PCDH11X: variants seen among roughly 807,000 people sequenced by gnomAD.
PCDH11X encodes protocadherin 11 X-linked, also known as protocadherin-11 X-linked.
In PCDH11X, 18 loss-of-function variants were observed where a neutral mutation model predicts 53.3. That is an observed-to-expected ratio of 0.34 (90% confidence interval 0.23 to 0.50). The LOEUF is 0.50. Ranked by LOEUF, PCDH11X falls within the 20% of genes least tolerant of loss-of-function variation. The pLI, the probability that PCDH11X is intolerant of heterozygous loss-of-function variation, is 0.98. For synonymous variants in PCDH11X, 279 were observed against 393.3 expected, an observed-to-expected ratio of 0.71 and a Z score of 3.44; for missense variants, 570 against 1,032.4, an observed-to-expected ratio of 0.55 and a Z score of 6.14.
Position 91,810,481 on chromosome X carries a change from T to C in PCDH11X, c.-201T>C, listed in dbSNP as rs1281334446. ...TGTTTTACCCCTCATAGGAAAATCC[T>C]GTTGCGAATAAGAAGGATTCCACAG... On this transcript the variant is annotated 5_prime_UTR_variant, in exon 3 of 11. Transcript: ENST00000682573. 1 of 112,076 alleles carries C rather than the reference T, an allele frequency of 8.9e-6. No homozygotes were observed. Among genetic ancestry groups the C allele is most frequent in the Non-Finnish European group, 1.9e-5 (1 of 53,219 alleles). 9.2% of individuals were successfully genotyped at this position (112,076 alleles called of 1,213,427 possible). A position where few individuals can be genotyped will look rare whatever the true frequency, so the allele number is the denominator to read the frequency against.
Position 91,947,282 on chromosome X carries a change from G to A in PCDH11X, c.3033+68009G>A, listed in dbSNP as rs1555969530. ...TCAACATCATTCAAGTGCAAATCTT[G>A]ATGCGAAGGGCATACAAAAAGCTGT... On this transcript the variant is annotated intron_variant, in intron 6 of 10. Transcript: ENST00000682573. Among the ~76,000 whole-genome samples the A allele has an allele frequency of 3.7e-5, 4 of 109,257 alleles. No individual in the cohort carries two copies. The South Asian group carries it at 1.6e-3, about 44-fold the overall frequency. The allele number at this position is 109,257 out of a possible 115,157, so 94.9% of individuals were successfully genotyped here. A position where few individuals can be genotyped will look rare whatever the true frequency, so the allele number is the denominator to read the frequency against.
At chrX:92,274,571 G>T (rs1459398310) in intron 8 of PCDH11X, among the ~76,000 whole-genome samples, 1 of 111,368 alleles carries the variant, frequency 9.0e-6, no homozygotes, top group African/African-American at 3.3e-5. Context: ...CGGACATGTT[G>T]AGTAAAGCTA....
chrX:92,615,633 T>C (rs964169998), intron 10 of PCDH11X, among the ~76,000 whole-genome samples: 1 of 110,592 alleles, frequency 9.0e-6, no homozygotes, highest in African/African-American at 3.3e-5. Flanking sequence ...TTAAAATACC[T>C]GCATGGCCAT....
At chrX:92,143,669 A>AT (rs1369330209) in intron 6 of PCDH11X, among the ~76,000 whole-genome samples, 1 of 112,639 alleles carries the variant, frequency 8.9e-6, no homozygotes, top group African/African-American at 3.2e-5. Flanking sequence ...CGGGGTACTC[A>AT]TGGAGCACCT....
intron 6 of PCDH11X, among the ~76,000 whole-genome samples, chrX:92,003,480 C>A (rs1235662407): frequency 2.8e-5 from 3 of 107,744 alleles, no homozygotes; most frequent in East Asian, 5.8e-4. Flanking sequence ...TGTTTGGTTG[C>A]ATTCAGCAGT....
chrX:92,171,084 T>C (rs2065817931), intron 6 of PCDH11X, among the ~76,000 whole-genome samples: 1 of 104,497 alleles, frequency 9.6e-6, no homozygotes, highest in Non-Finnish European at 2.0e-5. Context: ...AGATTATCAG[T>C]GCAAGCCGCT....
At chrX:92,008,098 C>T (rs2062631767) in intron 6 of PCDH11X, among the ~76,000 whole-genome samples, 1 of 111,206 alleles carries the variant, frequency 9.0e-6, no homozygotes, top group African/African-American at 3.3e-5. Flanking sequence ...GTGCTGAAAG[C>T]TGTGCAGCCT....
At chrX:92,137,479 G>T (rs111834905) in intron 6 of PCDH11X, among the ~76,000 whole-genome samples, 4,405 of 110,889 alleles carry the variant, frequency 0.04, 201 homozygotes, top group African/African-American at 0.14. Flanking sequence ...TAAGAAAAAC[G>T]TTTTCATATA....
intron 10 of PCDH11X, among the ~76,000 whole-genome samples, chrX:92,597,155 A>T (rs1351747420): frequency 9.0e-6 from 1 of 111,648 alleles, no homozygotes; most frequent in African/African-American, 3.3e-5. Flanking sequence ...CTGTTATTCA[A>T]TATAATACTG....
At chrX:92,491,935 A>G (rs776189117) in intron 10 of PCDH11X, among the ~76,000 whole-genome samples, 1 of 111,537 alleles carries the variant, frequency 9.0e-6, no homozygotes, top group Non-Finnish European at 1.9e-5. Flanking sequence ...GAATAATATT[A>G]TGGGATATCA....
intron 10 of PCDH11X, among the ~76,000 whole-genome samples, chrX:92,480,545 C>T (rs1187987513): frequency 9.2e-6 from 1 of 109,259 alleles, no homozygotes; most frequent in East Asian, 2.9e-4. Context: ...CTATTAGATG[C>T]CCTTGAGGGT....
At chrX:92,205,944 T>C (rs1241525000) in intron 7 of PCDH11X, among the ~76,000 whole-genome samples, 1 of 112,101 alleles carries the variant, frequency 8.9e-6, no homozygotes, top group African/African-American at 3.2e-5. Flanking sequence ...TATTTCTGAC[T>C]GTATTCCTGT....
intron 9 of PCDH11X, among the ~76,000 whole-genome samples, chrX:92,449,898 C>T (rs1040988625): frequency 9.0e-6 from 1 of 110,942 alleles, no homozygotes; most frequent in African/African-American, 3.3e-5. Flanking sequence ...AAAGAGACCC[C>T]CTGGCACATG....
chrX:92,544,108 T>A (rs1485273980), intron 10 of PCDH11X, among the ~76,000 whole-genome samples: 3 of 109,763 alleles, frequency 2.7e-5, no homozygotes, highest in African/African-American at 1.0e-4. Context: ...CACCATGGAC[T>A]AATTTATAGA....
At chrX:91,894,852 T>C (rs1213736981) in intron 6 of PCDH11X, among the ~76,000 whole-genome samples, 2 of 111,153 alleles carry the variant, frequency 1.8e-5, no homozygotes, top group African/African-American at 6.5e-5. Flanking sequence ...GAACCCCAGA[T>C]TGGCTACCAC....
chrX:92,007,296 T>TG (rs201672440), intron 6 of PCDH11X, among the ~76,000 whole-genome samples: 2,492 of 111,586 alleles, frequency 0.022, 49 homozygotes, highest in African/African-American at 0.072. Flanking sequence ...TTTAATGTAT[T>TG]CATCTGAGCT....
intron 6 of PCDH11X, among the ~76,000 whole-genome samples, chrX:91,953,345 A>T (rs1397873767): frequency 9.0e-6 from 1 of 110,571 alleles, no homozygotes; most frequent in East Asian, 2.9e-4. Flanking sequence ...ATTTTTTTAA[A>T]TGTAAAAATT....
At chrX:92,401,966 T>C (rs1325224716) in intron 9 of PCDH11X, among the ~76,000 whole-genome samples, 1 of 111,929 alleles carries the variant, frequency 8.9e-6, no homozygotes, top group African/African-American at 3.2e-5. Context: ...TTACATGAAT[T>C]AATCCTTCAT....
intron 10 of PCDH11X, among the ~76,000 whole-genome samples, chrX:92,617,976 G>A (rs1337411052): frequency 9.0e-6 from 1 of 111,119 alleles, no homozygotes; most frequent in African/African-American, 3.3e-5. Context: ...ATAGATGAAT[G>A]ATCATAGTTT....
Sources: gnomAD v4.1 joint callset for allele counts (sites outside exome capture counted in the v4.1 genomes callset) on GRCh38, gnomAD v4.1.1 for gene constraint, MANE v1.5 for transcripts, NCBI Gene and HGNC (gene_info 2026-07-23, HGNC 2026-07-21) for gene names.